Variants in RAD51AP1 observed in about 807,000 individuals in gnomAD.
RAD51AP1 encodes RAD51-associated protein 1.
A neutral mutation model predicts 34.3 loss-of-function variants in RAD51AP1; 14 were observed. The observed-to-expected ratio is 0.41, with a 90% CI of 0.27 to 0.64. RAD51AP1 has a LOEUF of 0.64. Among genes scored for constraint, RAD51AP1 ranks in the 30% least tolerant of loss-of-function variants. The pLI, the probability that RAD51AP1 is intolerant of heterozygous loss-of-function variation, is 0.33. For missense variants in RAD51AP1, 348 were observed against 386.9 expected (o/e 0.90, Z 0.84); for synonymous variants, 114 against 129.8 (o/e 0.88, Z 0.83).
At chr12:4,547,273 A>G (rs1944513324) in intron 4 of RAD51AP1, among the ~76,000 whole-genome samples, 1 of 152,168 alleles carries the variant, frequency 6.6e-6, no homozygotes, top group South Asian at 2.1e-4. Flanking sequence ...TATGTTGCGC[A>G]TGCTGCCCTC....
At position 4,550,114 on chromosome 12, in the gene RAD51AP1, G is replaced by A. The variant is rs149961357; in HGVS notation, c.556+1278G>A. ...CCAAAATCCGTAACTGAAGTGTTTGGGCCTTCCAGATTTTCCTCTATGGGA... is the reference window on the plus strand; with the variant it reads ...CCAAAATCCGTAACTGAAGTGTTTGAGCCTTCCAGATTTTCCTCTATGGGA... On this transcript the variant is annotated intron_variant, in intron 6 of 8. Transcript: ENST00000352618. 4.3e-3 allele frequency among the ~76,000 whole-genome samples: 648 copies of A among 152,182 alleles called. 5 individuals carry two copies. Among genetic ancestry groups the A allele is most frequent in the Admixed American group, 8.8e-3 (135 of 15,296 alleles).
At position 4,548,066 on chromosome 12, in the gene RAD51AP1, T is replaced by C. The variant is rs183152650; in HGVS notation, c.320-26T>C. 6.9e-4 allele frequency: 1,077 copies of C among 1,569,450 alleles called. 5 individuals carry two copies. The African/African-American group carries it at 0.014, about 20-fold the overall frequency. On this transcript the variant is annotated intron_variant, in intron 4 of 8. Coordinates refer to ENST00000352618, the MANE Select transcript of RAD51AP1 (RefSeq NM_006479.5). ...AGACATTGATTAAGATATATCTGAA[T>C]TTTCTTTCTTATTCCTTATATTTAG...
intron 2 of RAD51AP1, among the ~76,000 whole-genome samples, chr12:4,542,413 A>G (rs1381847075): frequency 6.6e-6 from 1 of 152,188 alleles, no homozygotes; most frequent in Non-Finnish European, 1.5e-5. Context: ...ATTATGTTAT[A>G]TGTTGAAGTG....
intron 2 of RAD51AP1, among the ~76,000 whole-genome samples, chr12:4,543,456 A>AT (rs1229406945): frequency 6.6e-6 from 1 of 152,070 alleles, no homozygotes; most frequent in Non-Finnish European, 1.5e-5. Context: ...AATTCTACCA[A>AT]TTTTTCTAAT....
chr12:4,543,699 G>A lies in RAD51AP1; in HGVS notation c.68-64G>A, dbSNP rs1359300030. The A allele has an allele frequency of 5.8e-6, 7 of 1,203,068 alleles. No individual in the cohort carries two copies. The East Asian group carries it at 1.5e-4, about 26-fold the overall frequency. The allele number at this position is 1,203,068 out of a possible 1,614,324, so 74.5% of individuals were successfully genotyped here. A position where few individuals can be genotyped will look rare whatever the true frequency, so the allele number is the denominator to read the frequency against. On this transcript the variant is annotated intron_variant, in intron 2 of 8. Coordinates refer to ENST00000352618, the MANE Select transcript of RAD51AP1 (RefSeq NM_006479.5). Reference sequence around the variant, plus strand: ...GCCTATAAAAACTTGAACACACATGGTAATGATTTTCATTTATGAAGAAAA... The same window carrying A: ...GCCTATAAAAACTTGAACACACATGATAATGATTTTCATTTATGAAGAAAA...
At chr12:4,548,866 C>T (rs774592035) in intron 6 of RAD51AP1, 30 bp downstream of exon 6, 2 of 1,601,132 alleles carry the variant, frequency 1.2e-6, no homozygotes, top group Non-Finnish European at 1.7e-6. Flanking sequence ...GAAATTAATT[C>T]TATGGGAATT....
At chr12:4,541,714 C>A (rs1404924306) in intron 1 of RAD51AP1, among the ~76,000 whole-genome samples, 170 bp from the exon 2 acceptor site, 1 of 151,858 alleles carries the variant, frequency 6.6e-6, no homozygotes, top group Non-Finnish European at 1.5e-5. Context: ...AACACATTTT[C>A]ATTTATTGAA....
At chr12:4,539,022 G>A in intron 1 of RAD51AP1, 66 bp downstream of exon 1, 1 of 1,565,420 alleles carries the variant, frequency 6.4e-7, no homozygotes, top group Non-Finnish European at 8.8e-7. Flanking sequence ...GAGACTAAGG[G>A]GAAAGGATCG....
intron 4 of RAD51AP1, among the ~76,000 whole-genome samples, chr12:4,547,556 T>C (rs1591772157): frequency 1.3e-5 from 2 of 152,376 alleles, no homozygotes; most frequent in East Asian, 3.9e-4. Context: ...CCATTTCTTA[T>C]TAAATAATGC....
chr12:4,557,780 A>G (rs1380207673), intron 8 of RAD51AP1, among the ~76,000 whole-genome samples: 1 of 152,186 alleles, frequency 6.6e-6, no homozygotes, highest in African/African-American at 2.4e-5. Context: ...GGGCCCATGC[A>G]GTAGACTTGC....
rs750453036 is a variant in RAD51AP1, at chr12:4,546,291, C to T, written c.210-18C>T. ...TGATATTTTGAAGAACTCATTATTA[C>T]TTGTGTATCTATTTTAGGATGGCTT... On this transcript the variant is annotated intron_variant, in intron 3 of 8. Coordinates refer to ENST00000352618, the MANE Select transcript of RAD51AP1 (RefSeq NM_006479.5). 4.0e-6 allele frequency: 6 copies of T among 1,508,434 alleles called. No individual in the cohort carries two copies. In the South Asian group the frequency reaches 5.9e-5, roughly 15 times the overall value. The allele number at this position is 1,508,434 out of a possible 1,614,324, so 93.4% of individuals were successfully genotyped here.
intron 8 of RAD51AP1, among the ~76,000 whole-genome samples, chr12:4,558,285 A>G (rs1944596473): frequency 6.6e-6 from 1 of 152,230 alleles, no homozygotes; most frequent in African/African-American, 2.4e-5. Flanking sequence ...GGTAGCAGGT[A>G]TAATTATTTA....
intron 2 of RAD51AP1, among the ~76,000 whole-genome samples, 183 bp downstream of exon 2, chr12:4,542,116 A>G (rs1192362576): frequency 6.6e-6 from 1 of 152,210 alleles, no homozygotes; most frequent in Non-Finnish European, 1.5e-5. Context: ...AAATTATGTT[A>G]GTAGGTGATA....
intron 3 of RAD51AP1, chr12:4,545,348 C>T: frequency 2.8e-6 from 1 of 351,598 alleles, no homozygotes; most frequent in Non-Finnish European, 5.6e-6. Flanking sequence ...CATGAAATGT[C>T]CAGAATAGGC....
chr12:4,548,303 G>A (rs1451070967), intron 5 of RAD51AP1, 125 bp downstream of exon 5: 2 of 1,294,608 alleles, frequency 1.5e-6, no homozygotes, highest in East Asian at 5.2e-5. Flanking sequence ...TGATGTCATG[G>A]CCTTTATTTC....
chr12:4,554,546 GT>G (rs1944569388), intron 7 of RAD51AP1, among the ~76,000 whole-genome samples: 1 of 152,108 alleles, frequency 6.6e-6, no homozygotes, highest in Non-Finnish European at 1.5e-5. Flanking sequence ...TTAGATGTTT[GT>G]TTATGCTTCT....
intron 3 of RAD51AP1, chr12:4,545,773 T>G: frequency 6.2e-7 from 1 of 1,612,868 alleles, no homozygotes; most frequent in Non-Finnish European, 8.5e-7. Context: ...CCTCCTCCTT[T>G]AATTGCAGAC....
At chr12:4,556,308 T>A in intron 7 of RAD51AP1, 45 bp from the exon 8 acceptor site, 2 of 1,445,662 alleles carry the variant, frequency 1.4e-6, no homozygotes, top group Non-Finnish European at 1.9e-6. Flanking sequence ...GACTTACTTT[T>A]TCTTCCTGCA....
chr12:4,539,514 C>T (rs1450237877), intron 1 of RAD51AP1, among the ~76,000 whole-genome samples: 1 of 152,170 alleles, frequency 6.6e-6, no homozygotes, highest in African/African-American at 2.4e-5. Context: ...AATATATTCA[C>T]TTCTTTAGTG....
Sources: gnomAD v4.1 joint callset for allele counts (sites outside exome capture counted in the v4.1 genomes callset) on GRCh38, gnomAD v4.1.1 for gene constraint, MANE v1.5 for transcripts, NCBI Gene and HGNC (gene_info 2026-07-23, HGNC 2026-07-21) for gene names.